Variants in ACBD3 observed in about 807,000 individuals in gnomAD.
ACBD3 encodes Golgi resident protein GCP60.
Under a neutral mutation model 66.9 loss-of-function variants are expected in ACBD3, and 30 were observed. That is an observed-to-expected ratio of 0.45 (90% CI 0.34 to 0.61). The LOEUF is 0.61. Ranked by LOEUF, ACBD3 falls within the 20% of genes least tolerant of loss-of-function variation. ACBD3 has a pLI of 0.02. For missense variants in ACBD3, 544 were observed against 664.5 expected (o/e 0.82, Z 1.99); for synonymous variants, 278 against 259.8 (o/e 1.07, Z -0.68).
intron 1 of ACBD3, among the ~76,000 whole-genome samples, chr1:226,185,385 T>C (rs12033959): frequency 6.6e-6 from 1 of 152,126 alleles, no homozygotes; most frequent in Non-Finnish European, 1.5e-5. Flanking sequence ...TAGTAAAATA[T>C]GTACTCCAAA....
At chr1:226,183,236 C>T (rs1431916366) in intron 1 of ACBD3, among the ~76,000 whole-genome samples, 4 of 152,110 alleles carry the variant, frequency 2.6e-5, no homozygotes, top group Non-Finnish European at 4.4e-5. Flanking sequence ...AGGGCAGGGA[C>T]GAAATCTTGG....
At chr1:226,156,252 T>C (rs1469362526) in intron 5 of ACBD3, among the ~76,000 whole-genome samples, 2 of 152,246 alleles carry the variant, frequency 1.3e-5, no homozygotes, top group African/African-American at 4.8e-5. Flanking sequence ...TTTAAAACTT[T>C]AAAGAAATGG....
At chr1:226,184,790 C>G in intron 1 of ACBD3, among the ~76,000 whole-genome samples, 1 of 151,654 alleles carries the variant, frequency 6.6e-6, no homozygotes, top group Non-Finnish European at 1.5e-5. Flanking sequence ...CTCTGCCTCC[C>G]ATATTGAAGC....
chr1:226,173,838 G>A (rs1367257614), intron 1 of ACBD3, among the ~76,000 whole-genome samples: 1 of 128,166 alleles, frequency 7.8e-6, no homozygotes, highest in Admixed American at 1.0e-4. Context: ...TCGACTCACT[G>A]CAACTTCCAC....
chr1:226,175,027 G>A (rs184686801), intron 1 of ACBD3, among the ~76,000 whole-genome samples: 14 of 149,726 alleles, frequency 9.4e-5, no homozygotes, highest in African/African-American at 3.2e-4. Flanking sequence ...CCTGGGAGGC[G>A]GAGGTTACAG....
chr1:226,151,558 T>G (rs1013561130), intron 7 of ACBD3, among the ~76,000 whole-genome samples: 2 of 152,196 alleles, frequency 1.3e-5, no homozygotes, highest in Non-Finnish European at 2.9e-5. Flanking sequence ...GATTTCCAAA[T>G]GGAAAAATAA....
intron 1 of ACBD3, among the ~76,000 whole-genome samples, chr1:226,178,330 G>T (rs569016180): frequency 2.0e-5 from 3 of 151,960 alleles, no homozygotes; most frequent in African/African-American, 7.2e-5. Flanking sequence ...CAGCACTTTG[G>T]GAGGCCAAGG....
chr1:226,151,870 A>G (rs1193721376), intron 7 of ACBD3, among the ~76,000 whole-genome samples: 1 of 151,994 alleles, frequency 6.6e-6, no homozygotes, highest in Non-Finnish European at 1.5e-5. Flanking sequence ...AGCCGGGCAC[A>G]GTGGTGCGTG....
At position 226,146,941 on chromosome 1, in the gene ACBD3, G is replaced by A. The variant is rs896558002; in HGVS notation, c.1376-120C>T. ...GAGTCTTGCTCTGTCACCCAGGATGGAGTGCAGCGGCGTGATCTCAGCTCA... is the reference window on the plus strand; with the variant it reads ...GAGTCTTGCTCTGTCACCCAGGATGAAGTGCAGCGGCGTGATCTCAGCTCA... On this transcript the variant is annotated intron_variant, in intron 7 of 7. Coordinates refer to ENST00000366812, the MANE Select transcript of ACBD3 (RefSeq NM_022735.4). 3.1e-6 allele frequency: 3 copies of A among 957,040 alleles called. No individual in the cohort carries two copies. The African/African-American group carries it at 4.9e-5, about 16-fold the overall frequency. The allele number at this position is 957,040 out of a possible 1,614,324, so 59.3% of individuals were successfully genotyped here. A position where few individuals can be genotyped will look rare whatever the true frequency, so the allele number is the denominator to read the frequency against.
chr1:226,184,099 G>C (rs1463327408), intron 1 of ACBD3, among the ~76,000 whole-genome samples: 1 of 152,160 alleles, frequency 6.6e-6, no homozygotes, highest in Non-Finnish European at 1.5e-5. Context: ...GCTGAGGCAG[G>C]AGAATGGAGT....
intron 1 of ACBD3, among the ~76,000 whole-genome samples, chr1:226,169,070 C>T (rs2102784664): frequency 6.6e-6 from 1 of 152,046 alleles, no homozygotes; most frequent in East Asian, 1.9e-4. Context: ...ACCATGTTAG[C>T]CAGGCTGGTC....
chr1:226,149,119 T>A (rs1438274833), intron 7 of ACBD3, among the ~76,000 whole-genome samples: 1 of 152,186 alleles, frequency 6.6e-6, no homozygotes, highest in Admixed American at 6.5e-5. Context: ...AGCTGAGGGT[T>A]CAGACTAGGC....
At position 226,186,664 on chromosome 1, in the gene ACBD3, C is replaced by T. The variant is rs776619249; in HGVS notation, c.12G>A (p.Val4=). 3.8e-5 allele frequency: 57 copies of T among 1,505,192 alleles called. No homozygotes were observed. The highest frequency in any genetic ancestry group is 5.0e-5 in the Non-Finnish European group (57 of 1,132,770). 93.2% of individuals were successfully genotyped at this position (1,505,192 alleles called of 1,614,324 possible). MAA[V]LNAERLEVSV... ...ACACCTCGAGTCGCTCTGCGTTCAGCACCGCCGCCATCTCCGGCTGCTGCA... is the reference window on the plus strand; with the variant it reads ...ACACCTCGAGTCGCTCTGCGTTCAGTACCGCCGCCATCTCCGGCTGCTGCA... The change falls in exon 1 of 8, where the codon GTG becomes GTA. Residue 4 remains valine, a synonymous_variant. Coordinates refer to ENST00000366812, the MANE Select transcript of ACBD3 (RefSeq NM_022735.4).
Position 226,165,882 on chromosome 1 carries a change from A to G in ACBD3, c.405T>C (p.Phe135=), listed in dbSNP as rs1659868222. 1 of 1,611,492 alleles carries G rather than the reference A, an allele frequency of 6.2e-7. No individual in the cohort carries two copies. The highest frequency in any genetic ancestry group is 8.5e-7 in the Non-Finnish European group (1 of 1,179,348). Reference sequence around the variant, plus strand: ...ACCTCCTGTCATTCCCCAACACATCAAAGAATCCAACCTCAGGACAAGTGT... The same window carrying G: ...ACCTCCTGTCATTCCCCAACACATCGAAGAATCCAACCTCAGGACAAGTGT... The part of the protein sequence containing the change: ...NPDTCPEVGF[F]DVLGNDRRRE... Residue 135 remains phenylalanine, a synonymous_variant, in exon 2 of 8, where the codon TTT becomes TTC. Coordinates refer to ENST00000366812, the MANE Select transcript of ACBD3 (RefSeq NM_022735.4).
chr1:226,163,519 G>A (rs1399470705), intron 3 of ACBD3, among the ~76,000 whole-genome samples: 2 of 151,740 alleles, frequency 1.3e-5, no homozygotes, highest in Non-Finnish European at 2.9e-5. Context: ...AAATTTCTTT[G>A]GATAAATATC....
intron 1 of ACBD3, among the ~76,000 whole-genome samples, chr1:226,183,332 C>T (rs957231761): frequency 1.3e-5 from 2 of 152,040 alleles, no homozygotes; most frequent in East Asian, 1.9e-4. Context: ...CCTGCCACCA[C>T]GCCCAGCTAA....
At chr1:226,157,464 C>T (rs924932863) in intron 5 of ACBD3, among the ~76,000 whole-genome samples, 26 of 152,268 alleles carry the variant, frequency 1.7e-4, no homozygotes, top group African/African-American at 5.8e-4. Context: ...TTCTCGAACT[C>T]CCAACCTCAA....
chr1:226,169,238 GTT>G (rs955466997), intron 1 of ACBD3, among the ~76,000 whole-genome samples: 2 of 111,768 alleles, frequency 1.8e-5, no homozygotes, highest in Non-Finnish European at 4.2e-5. Flanking sequence ...GATTTAGAGA[GTT>G]TTTTTTTATT....
In ACBD3 at chr1:226,145,876, CTAG is replaced by C. The variant is rs1489655064; in HGVS notation, c.*731_*733del. On this transcript the variant is annotated 3_prime_UTR_variant, in exon 8 of 8. Transcript: ENST00000366812. ...AAAACAAAAAACCTGTATTTTGCTACTAGTAGTATGAATACCAAATAAAGATAC... is the reference window on the plus strand; with the variant it reads ...AAAACAAAAAACCTGTATTTTGCTACTAGTATGAATACCAAATAAAGATAC... The C allele has an allele frequency of 6.6e-6, 1 of 152,252 alleles. No homozygotes were observed. The highest frequency in any genetic ancestry group is 1.5e-5 in the Non-Finnish European group (1 of 68,014). 9.4% of individuals were successfully genotyped at this position (152,252 alleles called of 1,614,324 possible).
Sources: gnomAD v4.1 joint callset for allele counts (sites outside exome capture counted in the v4.1 genomes callset) on GRCh38, gnomAD v4.1.1 for gene constraint, MANE v1.5 for transcripts, NCBI Gene and HGNC (gene_info 2026-07-23, HGNC 2026-07-21) for gene names.